POFUT2: variants seen among roughly 807,000 people sequenced by gnomAD.
The protein encoded by POFUT2 is protein O-fucosyltransferase 2.
A neutral mutation model predicts 55.0 loss-of-function variants in POFUT2; 30 were observed. The ratio of observed to expected loss-of-function variants is 0.55; its 90% CI spans 0.41 to 0.74. The LOEUF is 0.74. Ranked by LOEUF, POFUT2 falls within the 30% of genes least tolerant of loss-of-function variation. POFUT2 has a pLI of 0.00. For missense variants in POFUT2, 524 were observed against 562.6 expected, an observed-to-expected ratio of 0.93 and a Z score of 0.69; for synonymous variants, 267 against 231.1, an observed-to-expected ratio of 1.16 and a Z score of -1.41.
intron 6 of POFUT2, among the ~76,000 whole-genome samples, chr21:45,273,408 A>T (rs1443617710): frequency 6.6e-6 from 1 of 152,224 alleles, no homozygotes; most frequent in Admixed American, 6.5e-5. Flanking sequence ...GCCAACAAAA[A>T]AAGTCCAGGA....
chr21:45,273,854 C>T (rs1199305666), intron 6 of POFUT2, among the ~76,000 whole-genome samples: 2 of 152,180 alleles, frequency 1.3e-5, no homozygotes, highest in Non-Finnish European at 2.9e-5. Flanking sequence ...CCAAAGCCAA[C>T]ATTATACTGA....
intron 3 of POFUT2, 70 bp downstream of exon 3, chr21:45,283,313 G>GA (rs1357731642): frequency 2.5e-6 from 2 of 792,264 alleles, no homozygotes; most frequent in Admixed American, 5.7e-5. Flanking sequence ...TGAGGCGGGG[G>GA]GGGGGGGACG....
chr21:45,278,121 T>C lies in POFUT2; in HGVS notation c.687A>G (p.Gly229=). ...RAENLLHDHY[G]GKEYWDTRRS... is the part of the protein sequence containing the mutation. ...CACTCACATCCCAGTATTCTTTCCC[T>C]CCATAGTGGTCGTGAAGTAGGTTCT... Residue 229 remains glycine (G), a synonymous_variant, in exon 5 of 9, where the codon GGA becomes GGG. Transcript: ENST00000349485. The C allele has an allele frequency of 6.2e-7, 1 of 1,613,750 alleles. No individual in the cohort carries two copies. The highest frequency in any genetic ancestry group is 8.5e-7 in the Non-Finnish European group (1 of 1,179,634).
In POFUT2 at chr21:45,267,791, A is replaced by T; in HGVS notation, c.1013-78T>A. The T allele has an allele frequency of 6.9e-6, 9 of 1,301,452 alleles. No individual in the cohort carries two copies. Among genetic ancestry groups the T allele is most frequent in the Non-Finnish European group, 9.8e-6 (9 of 914,652 alleles). 80.6% of individuals were successfully genotyped at this position (1,301,452 alleles called of 1,614,324 possible). A position where few individuals can be genotyped will look rare whatever the true frequency, so the allele number is the denominator to read the frequency against. ...ATACGTGACTCTTTAGCAGACAGAC[A>T]TGCGTACTTGGCTTCTGGTTAATTC... On this transcript the variant is annotated intron_variant, in intron 7 of 8. Transcript: ENST00000349485. This position sits in a 1 kb window ranked among gnomAD's most constrained non-coding sequence, Gnocchi z 4.4.
chr21:45,267,850 A>G lies in POFUT2; in HGVS notation c.1013-137T>C. ...CTGGCTCCAAAGGTGCAGACACACA[A>G]CTCAGCTTTACCCTCCCAGGAATTA... On this transcript the variant is annotated intron_variant, in intron 7 of 8. Transcript: ENST00000349485. This position sits in a 1 kb window ranked among gnomAD's most constrained non-coding sequence, Gnocchi z 4.4. 2.8e-6 allele frequency: 2 copies of G among 722,820 alleles called. No homozygotes were observed. Among genetic ancestry groups the G allele is most frequent in the Non-Finnish European group, 4.8e-6 (2 of 419,422 alleles). The allele number at this position is 722,820 out of a possible 1,614,324, so 44.8% of individuals were successfully genotyped here.
chr21:45,269,693 T>G (rs2093200525), intron 7 of POFUT2, 146 bp downstream of exon 7: 1 of 731,830 alleles, frequency 1.4e-6, no homozygotes, highest in East Asian at 3.0e-5. Flanking sequence ...CAGAGACCTT[T>G]GTTCACTTGT....
rs761935285 is a variant in POFUT2, at chr21:45,267,984, TTCTCCC to T, written c.1013-277_1013-272del. Among the ~76,000 whole-genome samples the T allele has an allele frequency of 9.0e-4, 136 of 150,494 alleles. No individual in the cohort carries two copies. Among genetic ancestry groups the T allele is most frequent in the Middle Eastern group, 3.4e-3 (1 of 292 alleles). On this transcript the variant is annotated intron_variant, in intron 7 of 8. Transcript: ENST00000349485. This position sits in a 1 kb window ranked among gnomAD's most constrained non-coding sequence, Gnocchi z 4.4. ...AGAAACGTGCTCCCTCTCCCTCTCC[TTCTCCC>T]TCTCCCTCTCCCCACGGTCTCCCTC...
chr21:45,266,436 G>T (rs1334574467), intron 8 of POFUT2: 1 of 1,170,446 alleles, frequency 8.5e-7, no homozygotes, highest in Non-Finnish European at 1.1e-6. Context: ...CAGTGAGCTG[G>T]GCCGAGCGCT....
At chr21:45,275,603 C>A (rs2093255796) in intron 6 of POFUT2, among the ~76,000 whole-genome samples, 1 of 152,172 alleles carries the variant, frequency 6.6e-6, no homozygotes, top group East Asian at 1.9e-4. Context: ...TTTGCAGCAA[C>A]CTGGATGGAG....
rs2030873355 is a variant in POFUT2, at chr21:45,282,947, A to G, written c.527+436T>C. ...TGACAAGACCTCCATCCCTGTGGCAACATCCAAATGCATGAAAAGACACAG... is the reference window on the plus strand; with the variant it reads ...TGACAAGACCTCCATCCCTGTGGCAGCATCCAAATGCATGAAAAGACACAG... On this transcript the variant is annotated intron_variant, in intron 3 of 8. Coordinates refer to ENST00000349485, the MANE Select transcript of POFUT2 (RefSeq NM_133635.6). This position sits in a 1 kb window ranked among gnomAD's most constrained non-coding sequence, Gnocchi z 4.6. The G allele has an allele frequency of 4.2e-6, 2 of 472,744 alleles. No individual in the cohort carries two copies. Among genetic ancestry groups the G allele is most frequent in the Non-Finnish European group, 8.8e-6 (2 of 228,436 alleles). The allele number at this position is 472,744 out of a possible 1,614,324, so 29.3% of individuals were successfully genotyped here. A position where few individuals can be genotyped will look rare whatever the true frequency, so the allele number is the denominator to read the frequency against.
chr21:45,285,440 T>C lies in POFUT2; in HGVS notation c.382+238A>G. 1 of 557,418 alleles carries C rather than the reference T, an allele frequency of 1.8e-6. No homozygotes were observed. The highest frequency in any genetic ancestry group is 3.4e-6 in the Non-Finnish European group (1 of 297,976). The allele number at this position is 557,418 out of a possible 1,614,324, so 34.5% of individuals were successfully genotyped here. Reference sequence around the variant, plus strand: ...GGCTCTAACTGAGGGGGCACAAAGCTCATCCACTTCAGGTCCATTTCCGAG... The same window carrying C: ...GGCTCTAACTGAGGGGGCACAAAGCCCATCCACTTCAGGTCCATTTCCGAG... On this transcript the variant is annotated intron_variant, in intron 2 of 8. Transcript: ENST00000349485. The surrounding 1 kb of genome is among the most constrained non-coding windows in gnomAD (Gnocchi z 4.9).
chr21:45,283,583 G>A (rs927853930), intron 2 of POFUT2, 56 bp from the exon 3 acceptor site: 9 of 1,582,710 alleles, frequency 5.7e-6, no homozygotes, highest in Admixed American at 1.7e-5. Context: ...GCTCACTTAC[G>A]GGCATGCATC....
Position 45,285,641 on chromosome 21 carries a change from A to G in POFUT2, c.382+37T>C, listed in dbSNP as rs1438775019. On this transcript the variant is annotated intron_variant, in intron 2 of 8. Coordinates refer to ENST00000349485, the MANE Select transcript of POFUT2 (RefSeq NM_133635.6). This position sits in a 1 kb window ranked among gnomAD's most constrained non-coding sequence, Gnocchi z 4.9. ...AGAAATGACTGCCTGGCCCCAGTTA[A>G]GCAACCACGGCCTCCCAGCGTGCCG... The G allele has an allele frequency of 2.5e-6, 4 of 1,612,460 alleles. No individual in the cohort carries two copies. Among genetic ancestry groups the G allele is most frequent in the Non-Finnish European group, 3.4e-6 (4 of 1,179,864 alleles).
In POFUT2 at chr21:45,282,046, C is replaced by T. The variant is rs2030712097; in HGVS notation, c.638+303G>A. 6.6e-6 allele frequency among the ~76,000 whole-genome samples: 1 copy of T among 152,178 alleles called. No homozygotes were observed. Among genetic ancestry groups the T allele is most frequent in the African/African-American group, 2.4e-5 (1 of 41,444 alleles). On this transcript the variant is annotated intron_variant, in intron 4 of 8. Coordinates refer to ENST00000349485, the MANE Select transcript of POFUT2 (RefSeq NM_133635.6). This position sits in a 1 kb window ranked among gnomAD's most constrained non-coding sequence, Gnocchi z 4.6. ...AAGTGCTACAAATCGAGAACAGTCT[C>T]ATGGTGAGCTCCCCGCCGCCCCCAG...
At position 45,270,628 on chromosome 21, in the gene POFUT2, G is replaced by GTCCT. The variant is rs2093210627; in HGVS notation, c.832-610_832-609insAGGA. ...GTGCACTCAACAAAACTACAACCAA[G>GTCCT]GACCCCCCCAGAGTCCACTTCACTC... On this transcript the variant is annotated intron_variant, in intron 6 of 8. Transcript: ENST00000349485. This position sits in a 1 kb window ranked among gnomAD's most constrained non-coding sequence, Gnocchi z 4.6. 2.6e-5 allele frequency among the ~76,000 whole-genome samples: 4 copies of GTCCT among 152,146 alleles called. No individual in the cohort carries two copies. The highest frequency in any genetic ancestry group is 6.5e-5 in the Admixed American group (1 of 15,278).
At chr21:45,283,211 GGGGGTGAAGACACCGTGGCGGGGGGAGGC>G in intron 3 of POFUT2, 143 bp downstream of exon 3, 1 of 436,308 alleles carries the variant, frequency 2.3e-6, no homozygotes, top group South Asian at 2.1e-5. Flanking sequence ...GGGGGGAGTG[GGGGGTGAAGACACCGTGGCGGGGGGAGGC>G]GGGGTGCTGC....
intron 3 of POFUT2, 40 bp downstream of exon 3, chr21:45,283,341 TGG>T (rs11367431): frequency 1.4e-6 from 1 of 701,542 alleles, no homozygotes; most frequent in Non-Finnish European, 1.9e-6. Flanking sequence ...CAGGGGGAGG[TGG>T]GGGGGCACCT....
At chr21:45,279,583 G>A (rs1380351172) in intron 4 of POFUT2, among the ~76,000 whole-genome samples, 5 of 152,192 alleles carry the variant, frequency 3.3e-5, no homozygotes, top group South Asian at 2.1e-4. Flanking sequence ...GATCCACACA[G>A]ATGGAAGCTC....
intron 7 of POFUT2, among the ~76,000 whole-genome samples, chr21:45,269,180 C>G (rs1408373740): frequency 6.7e-6 from 1 of 148,814 alleles, no homozygotes; most frequent in South Asian, 2.1e-4. Flanking sequence ...GTCAGCCCCC[C>G]GCCCGGCCAG....
Sources: gnomAD v4.1 joint callset for allele counts (sites outside exome capture counted in the v4.1 genomes callset) on GRCh38, gnomAD v4.1.1 for gene constraint, Gnocchi (gnomAD v3.1) non-coding constraint, MANE v1.5 for transcripts, NCBI Gene and HGNC (gene_info 2026-07-23, HGNC 2026-07-21) for gene names.